TRHDE: variants seen among roughly 807,000 people sequenced by gnomAD.
TRHDE encodes the protein thyrotropin releasing hormone degrading enzyme.
A neutral mutation model predicts 125.7 loss-of-function variants in TRHDE; 72 were observed. The ratio of observed to expected loss-of-function variants is 0.57; its 90% CI spans 0.47 to 0.70. TRHDE has a LOEUF of 0.70. TRHDE is among the 30% of genes least tolerant of loss of function. TRHDE has a pLI of 0.00. For missense variants in TRHDE, 1,110 were observed against 1,327.1 expected (o/e 0.84, Z 2.54); for synonymous variants, 509 against 509.1 (o/e 1.00, Z 0.00).
chr12:72,393,239 A>G (rs1046256354), intron 3 of TRHDE, among the ~76,000 whole-genome samples: 1 of 152,232 alleles, frequency 6.6e-6, no homozygotes, highest in Non-Finnish European at 1.5e-5. Context: ...TGGAAGATAG[A>G]GAATAACTGC....
At chr12:72,142,436 A>G (rs1346768429) in intron 2 of TRHDE, among the ~76,000 whole-genome samples, 16 of 152,168 alleles carry the variant, frequency 1.1e-4, no homozygotes, top group Admixed American at 9.8e-4. Context: ...AAGCTGCTGC[A>G]GACCTGCATG....
At chr12:72,497,090 G>GT (rs1438922837) in intron 5 of TRHDE, among the ~76,000 whole-genome samples, 5 of 151,530 alleles carry the variant, frequency 3.3e-5, no homozygotes, top group African/African-American at 4.9e-5. Flanking sequence ...AAATATTGTT[G>GT]TTTTTTTAAT....
At chr12:72,617,274 CA>C (rs1872856509) in intron 12 of TRHDE, among the ~76,000 whole-genome samples, 1 of 152,064 alleles carries the variant, frequency 6.6e-6, no homozygotes, top group Non-Finnish European at 1.5e-5. Context: ...ATGGTTGAAT[CA>C]AAATCGTTAG....
chr12:72,140,759 T>C (rs1327978275), intron 2 of TRHDE, among the ~76,000 whole-genome samples: 3 of 152,196 alleles, frequency 2.0e-5, no homozygotes, highest in Non-Finnish European at 4.4e-5. Context: ...TGCTGCCCAT[T>C]TTCCCTGTGC....
chr12:72,166,211 C>T (rs903037074), intron 2 of TRHDE, among the ~76,000 whole-genome samples: 5 of 152,040 alleles, frequency 3.3e-5, no homozygotes, highest in Non-Finnish European at 7.3e-5. Context: ...AGTAAAAATA[C>T]ACTATTATAA....
intron 2 of TRHDE, among the ~76,000 whole-genome samples, chr12:72,368,170 G>C (rs955793386): frequency 2.0e-5 from 3 of 152,048 alleles, no homozygotes; most frequent in South Asian, 2.1e-4. Flanking sequence ...CCTTGAAATC[G>C]AATCAATGAC....
intron 12 of TRHDE, among the ~76,000 whole-genome samples, chr12:72,592,455 GTTAA>G (rs1050496984): frequency 1.3e-5 from 2 of 151,872 alleles, no homozygotes; most frequent in African/African-American, 2.4e-5. Flanking sequence ...CAGTAACAAG[GTTAA>G]TTGATTTTTT....
intron 6 of TRHDE, among the ~76,000 whole-genome samples, chr12:72,530,364 T>C (rs1037166526): frequency 1.3e-5 from 2 of 151,158 alleles, no homozygotes; most frequent in African/African-American, 4.9e-5. Flanking sequence ...AAGCACACTT[T>C]GTAATGATCA....
intron 2 of TRHDE, among the ~76,000 whole-genome samples, chr12:72,190,540 A>T (rs2139348343): frequency 6.6e-6 from 1 of 152,352 alleles, no homozygotes; most frequent in South Asian, 2.1e-4. Flanking sequence ...TTTTGGAAAG[A>T]CAATGGTTGG....
intron 12 of TRHDE, among the ~76,000 whole-genome samples, chr12:72,606,147 A>G (rs1267917093): frequency 6.6e-6 from 1 of 152,112 alleles, no homozygotes; most frequent in Non-Finnish European, 1.5e-5. Context: ...GGGTTGTGAT[A>G]CTCACGAATT....
At chr12:72,520,209 C>T (rs1203469181) in intron 6 of TRHDE, among the ~76,000 whole-genome samples, 2 of 152,242 alleles carry the variant, frequency 1.3e-5, no homozygotes, top group Admixed American at 1.3e-4. Context: ...CCTAAGCAAG[C>T]CTGGGCAATG....
chr12:72,165,967 C>G (rs958746829), intron 2 of TRHDE, among the ~76,000 whole-genome samples: 2 of 151,972 alleles, frequency 1.3e-5, no homozygotes, highest in African/African-American at 2.4e-5. Context: ...GAGCCACCGC[C>G]CCCGGCCGAG....
chr12:72,481,598 G>A (rs993169770), intron 5 of TRHDE, among the ~76,000 whole-genome samples: 19 of 135,388 alleles, frequency 1.4e-4, no homozygotes, highest in Non-Finnish European at 2.6e-4. Flanking sequence ...GTATTATATT[G>A]GCTAGATCAC....
intron 6 of TRHDE, among the ~76,000 whole-genome samples, chr12:72,514,889 T>C (rs893676743): frequency 2.0e-5 from 3 of 148,056 alleles, no homozygotes; most frequent in African/African-American, 5.0e-5. Context: ...TATGTGGTGT[T>C]TGGTTTTTTG....
chr12:72,154,006 T>C (rs1313367133), intron 2 of TRHDE, among the ~76,000 whole-genome samples: 2 of 152,214 alleles, frequency 1.3e-5, no homozygotes, highest in Non-Finnish European at 2.9e-5. Flanking sequence ...TGTTAAAGTC[T>C]CCCATTATTA....
At chr12:72,281,307 C>T (rs1193990145) in intron 1 of TRHDE, among the ~76,000 whole-genome samples, 1 of 152,116 alleles carries the variant, frequency 6.6e-6, no homozygotes, top group Non-Finnish European at 1.5e-5. Flanking sequence ...GTCTAAACAA[C>T]GACCCATTTT....
chr12:72,200,278 T>C (rs997156917), intron 2 of TRHDE, among the ~76,000 whole-genome samples: 1 of 152,106 alleles, frequency 6.6e-6, no homozygotes, highest in African/African-American at 2.4e-5. Flanking sequence ...GATTTGTGGA[T>C]GTATTGAGGA....
At chr12:72,110,906 T>C (rs1161168776) in intron 2 of TRHDE, among the ~76,000 whole-genome samples, 2 of 152,302 alleles carry the variant, frequency 1.3e-5, no homozygotes, top group Non-Finnish European at 1.5e-5. Context: ...ACAATTCCGA[T>C]GTGCTCAAAT....
At chr12:72,519,222 A>G (rs1025488997) in intron 6 of TRHDE, among the ~76,000 whole-genome samples, 3 of 152,108 alleles carry the variant, frequency 2.0e-5, no homozygotes, top group African/African-American at 7.2e-5. Flanking sequence ...GTTCTCCTGG[A>G]TAATATCCTG....
Sources: allele counts gnomAD v4.1 joint callset (sites outside exome capture counted in the v4.1 genomes callset), GRCh38; gene constraint gnomAD v4.1.1; transcripts MANE v1.5; gene names NCBI Gene and HGNC (gene_info 2026-07-23, HGNC 2026-07-21).